The following PTPRN2 variants were observed in gnomAD, a reference collection of about 807,000 sequenced individuals.
PTPRN2 encodes receptor-type tyrosine-protein phosphatase N2.
Under a neutral mutation model 118.8 loss-of-function variants are expected in PTPRN2, and 74 were observed. That is an observed-to-expected ratio of 0.62 (90% CI 0.52 to 0.76). PTPRN2 has a LOEUF of 0.76. Among genes scored for constraint, PTPRN2 ranks in the 30% least tolerant of loss-of-function variants. The pLI is 0.00. For synonymous variants in PTPRN2, 641 were observed against 608.0 expected (o/e 1.05, Z -0.80); for missense variants, 1,481 against 1,394.4 (o/e 1.06, Z -0.99).
chr7:157,897,926 C>T (rs563806191), intron 12 of PTPRN2, among the ~76,000 whole-genome samples: 87 of 152,404 alleles, frequency 5.7e-4, no homozygotes, highest in South Asian at 1.7e-3. Context: ...TCGGTCCACA[C>T]TGACTGACGA....
At chr7:157,932,783 G>A (rs1799438332) in intron 11 of PTPRN2, among the ~76,000 whole-genome samples, 1 of 150,674 alleles carries the variant, frequency 6.6e-6, no homozygotes, top group Non-Finnish European at 1.5e-5. Context: ...GAAGAGGGAT[G>A]AGTCACTCCG....
rs543751591 is a variant in PTPRN2 at position 158,113,066 on chromosome 7, G to A, written c.1557-2151C>T. Reference sequence around the variant, plus strand: ...AGCATTGAGGGCCCCCCAACATTTAGGGCAATGAGGGGAACTGGCAAAAGA... The same window carrying A: ...AGCATTGAGGGCCCCCCAACATTTAAGGCAATGAGGGGAACTGGCAAAAGA... On this transcript the variant is annotated intron_variant, in intron 9 of 22. Transcript: ENST00000389418. Among the ~76,000 whole-genome samples the A allele has an allele frequency of 9.2e-5, 14 of 152,124 alleles. 1 individual carries two copies. The highest frequency in any genetic ancestry group is 2.6e-4 in the African/African-American group (11 of 41,512).
intron 12 of PTPRN2, among the ~76,000 whole-genome samples, chr7:157,718,361 G>A (rs929223267): frequency 1.3e-5 from 2 of 152,202 alleles, no homozygotes; most frequent in Non-Finnish European, 2.9e-5. Context: ...CTTCAAGCAC[G>A]GACTTTCCTG....
intron 2 of PTPRN2, among the ~76,000 whole-genome samples, chr7:158,470,995 G>A (rs541658506): frequency 4.7e-4 from 71 of 152,170 alleles, no homozygotes; most frequent in African/African-American, 1.1e-3. Context: ...CACCATGCCC[G>A]ACTAATTCTG....
At chr7:158,334,385 C>A (rs199979494) in intron 2 of PTPRN2, among the ~76,000 whole-genome samples, 28 of 25,590 alleles carry the variant, frequency 1.1e-3, no homozygotes, top group East Asian at 1.5e-3. Flanking sequence ...ATGTCACTCA[C>A]ACCCACACTC....
chr7:158,534,524 G>C (rs1825522021), intron 1 of PTPRN2, among the ~76,000 whole-genome samples: 2 of 152,168 alleles, frequency 1.3e-5, no homozygotes, highest in African/African-American at 2.4e-5. Flanking sequence ...AGTGGGATCA[G>C]GCCTGGCTGG....
At chr7:158,286,181 CTCTT>C (rs1799756881) in intron 3 of PTPRN2, among the ~76,000 whole-genome samples, 1 of 152,242 alleles carries the variant, frequency 6.6e-6, no homozygotes, top group African/African-American at 2.4e-5. Flanking sequence ...TATAAAAATG[CTCTT>C]TATTTTTGTC....
rs1314661732 is a variant in PTPRN2 at position 158,131,708 on chromosome 7, GCA to G, written c.1556+1967_1556+1968del. Among the ~76,000 whole-genome samples the G allele has an allele frequency of 4.9e-3, 311 of 62,872 alleles. 4 individuals carry two copies. The highest frequency in any genetic ancestry group is 1.9e-3 in the Non-Finnish European group (68 of 35,280). The allele number at this position is 62,872 out of a possible 152,430, so 41.2% of individuals were successfully genotyped here. A position where few individuals can be genotyped will look rare whatever the true frequency, so the allele number is the denominator to read the frequency against. ...CACACTCATACACACATGCAAATAT[GCA>G]CAGATACACACACATCTACCCAACA... is the stretch of plus-strand genomic sequence containing the variant. On this transcript the variant is annotated intron_variant, in intron 9 of 22. Coordinates refer to ENST00000389418, the MANE Select transcript of PTPRN2 (RefSeq NM_002847.5).
chr7:158,558,788 A>C (rs73730441), intron 1 of PTPRN2, among the ~76,000 whole-genome samples: 2,322 of 150,710 alleles, frequency 0.015, 73 homozygotes, highest in African/African-American at 0.054. Flanking sequence ...AAAAGCAGTA[A>C]TCTGGAGTCC....
chr7:158,394,154 C>T (rs1346252739), intron 2 of PTPRN2, among the ~76,000 whole-genome samples: 1 of 150,018 alleles, frequency 6.7e-6, no homozygotes, highest in East Asian at 2.0e-4. Flanking sequence ...ACCCCTCTGT[C>T]CCCGACGGAC....
chr7:157,696,169 G>A (rs765240907), intron 12 of PTPRN2, among the ~76,000 whole-genome samples: 4 of 130,600 alleles, frequency 3.1e-5, no homozygotes, highest in Admixed American at 7.7e-5. Flanking sequence ...TGCATACTGG[G>A]TCTTGGGAGA....
chr7:157,618,927 T>C lies in PTPRN2; in HGVS notation c.2344+2435A>G, dbSNP rs2150629949. ...GCAGGCAGCTTCTTTCTGGCTCCAGTGCGAGTCTCGGGAGGGAGGTGCTTT... is the reference window on the plus strand; with the variant it reads ...GCAGGCAGCTTCTTTCTGGCTCCAGCGCGAGTCTCGGGAGGGAGGTGCTTT... On this transcript the variant is annotated intron_variant, in intron 15 of 22. Transcript: ENST00000389418. The surrounding 1 kb of genome is among the most constrained non-coding windows in gnomAD (Gnocchi z 4.2). Among the ~76,000 whole-genome samples, 1 of 152,122 alleles carries C rather than the reference T, an allele frequency of 6.6e-6. No homozygotes were observed. The highest frequency in any genetic ancestry group is 1.9e-4 in the East Asian group (1 of 5,154).
At chr7:157,754,246 G>T (rs2150993147) in intron 12 of PTPRN2, among the ~76,000 whole-genome samples, 1 of 152,386 alleles carries the variant, frequency 6.6e-6, no homozygotes, top group Middle Eastern at 3.4e-3. Flanking sequence ...TGTGGGGAAT[G>T]TGGCCTGTGC....
At chr7:158,127,722 G>T (rs1169557237) in intron 9 of PTPRN2, among the ~76,000 whole-genome samples, 2 of 152,096 alleles carry the variant, frequency 1.3e-5, no homozygotes, top group Non-Finnish European at 1.5e-5. Context: ...TGTGAGCCGT[G>T]GTCTCTGAAG....
At chr7:158,377,346 G>T (rs1810621417) in intron 2 of PTPRN2, among the ~76,000 whole-genome samples, 1 of 152,390 alleles carries the variant, frequency 6.6e-6, no homozygotes, top group East Asian at 1.9e-4. Context: ...AGGTGCGTGT[G>T]TGTTAATAAA....
intron 12 of PTPRN2, among the ~76,000 whole-genome samples, chr7:157,718,729 G>A (rs1423510626): frequency 2.6e-5 from 4 of 151,874 alleles, no homozygotes; most frequent in African/African-American, 9.7e-5. Context: ...AGGCGTCCGC[G>A]GTGACACTGC....
intron 3 of PTPRN2, among the ~76,000 whole-genome samples, chr7:158,233,272 C>T (rs1166952744): frequency 1.3e-5 from 2 of 152,054 alleles, no homozygotes; most frequent in Non-Finnish European, 2.9e-5. Flanking sequence ...TTATATATGC[C>T]AACAGCAAAC....
chr7:157,818,399 TG>T (rs111405088), intron 12 of PTPRN2, among the ~76,000 whole-genome samples: 1 of 151,700 alleles, frequency 6.6e-6, no homozygotes, highest in African/African-American at 2.4e-5. Flanking sequence ...CAGAGATGGG[TG>T]GGGTCATTGG....
At chr7:157,933,228 G>C (rs1434036528) in intron 11 of PTPRN2, among the ~76,000 whole-genome samples, 1 of 121,462 alleles carries the variant, frequency 8.2e-6, no homozygotes, top group African/African-American at 3.0e-5. Context: ...GAGTCACTCT[G>C]ATTGACAGTT....
Sources: allele counts gnomAD v4.1 joint callset (sites outside exome capture counted in the v4.1 genomes callset), GRCh38; gene constraint gnomAD v4.1.1; non-coding constraint Gnocchi (gnomAD v3.1); transcripts MANE v1.5; gene names NCBI Gene and HGNC (gene_info 2026-07-23, HGNC 2026-07-21).